SLC25A48: variants seen among roughly 807,000 people sequenced by gnomAD.
SLC25A48 encodes the protein solute carrier family 25 member 48, also known as CTC-321K16.1.
A neutral mutation model predicts 32.2 loss-of-function variants in SLC25A48; 29 were observed. The ratio of observed to expected loss-of-function variants is 0.90; its 90% CI spans 0.67 to 1.23. The LOEUF is 1.23. Among genes scored for constraint, SLC25A48 ranks in the 50% most tolerant of loss-of-function variants. SLC25A48 has a pLI of 0.00. For missense variants in SLC25A48, 399 were observed against 422.7 expected (o/e 0.94, Z 0.49); for synonymous variants, 164 against 172.3 (o/e 0.95, Z 0.38).
At chr5:135,697,548 T>C in intron 3 of SLC25A48, among the ~76,000 whole-genome samples, 1 of 152,230 alleles carries the variant, frequency 6.6e-6, no homozygotes, top group Non-Finnish European at 1.5e-5. Flanking sequence ...AAACCTCCTT[T>C]GCCAGAGACT....
chr5:135,680,148 G>T (rs1247258137), intron 3 of SLC25A48, among the ~76,000 whole-genome samples: 1 of 152,116 alleles, frequency 6.6e-6, no homozygotes, highest in East Asian at 1.9e-4. Flanking sequence ...TTCTTTCTTA[G>T]ATGGTCCATT....
intron 7 of SLC25A48, among the ~76,000 whole-genome samples, chr5:135,882,286 C>T (rs1191454973): frequency 6.6e-6 from 1 of 152,206 alleles, no homozygotes; most frequent in African/African-American, 2.4e-5. Flanking sequence ...CTGCTCTAAC[C>T]CCCAAATACC....
chr5:135,695,003 A>G (rs1754233335), intron 3 of SLC25A48, among the ~76,000 whole-genome samples: 1 of 152,078 alleles, frequency 6.6e-6, no homozygotes, highest in African/African-American at 2.4e-5. Context: ...GCTTGGGCCC[A>G]TCACCCACCT....
chr5:135,842,294 C>A (rs1431762298), intron 1 of SLC25A48, 122 bp from the exon 2 acceptor site: 1 of 980,024 alleles, frequency 1.0e-6, no homozygotes, highest in Non-Finnish European at 1.6e-6. Flanking sequence ...GGAGCCCACC[C>A]ACTCCCCCTA....
chr5:135,789,262 GGCAGGGGGT>G (rs1295399918), intron 3 of SLC25A48, among the ~76,000 whole-genome samples: 1 of 41,366 alleles, frequency 2.4e-5, no homozygotes, highest in East Asian at 7.6e-4. Context: ...CTTTCCATGT[GGCAGGGGGT>G]GTACACCCCC....
At position 135,789,206 on chromosome 5, in the gene SLC25A48, G is replaced by GGTGAGTGTACACCCCCC. The variant is rs1580881634; in HGVS notation, c.-520-23317_-520-23316insGTGAGTGTACACCCCCC. Among the ~76,000 whole-genome samples, 1,146 of 138,354 alleles carry GGTGAGTGTACACCCCCC rather than the reference G, an allele frequency of 8.3e-3. 28 individuals are homozygous for GGTGAGTGTACACCCCCC. Among genetic ancestry groups the GGTGAGTGTACACCCCCC allele is most frequent in the African/African-American group, 0.029 (1,075 of 36,676 alleles). 90.8% of individuals were successfully genotyped at this position (138,354 alleles called of 152,430 possible). On this transcript the variant is annotated intron_variant, in intron 3 of 10. Transcript: ENST00000646290. ...TTGCGGTGGGTGTACACCCTCCCCCGCCACGATATGGTTTGTAATATTTAA... is the reference window on the plus strand; with the variant it reads ...TTGCGGTGGGTGTACACCCTCCCCCGGTGAGTGTACACCCCCCCCACGATATGGTTTGTAATATTTAA...
At position 135,874,137 on chromosome 5, in the gene SLC25A48, C is replaced by A; in HGVS notation, c.796C>A (p.Gln266Lys). The A allele has an allele frequency of 6.8e-7, 1 of 1,474,344 alleles. No individual in the cohort carries two copies. Among genetic ancestry groups the A allele is most frequent in the Non-Finnish European group, 8.9e-7 (1 of 1,122,120 alleles). The allele number at this position is 1,474,344 out of a possible 1,614,324, so 91.3% of individuals were successfully genotyped here. ...GVLDCISQSY[Q>K]KEGLKVFFRG... Reference sequence around the variant, plus strand: ...CCTGGACTGTATCTCCCAGAGTTACCAGAAGGAAGGTCTTAAAGTAAGCCC... The same window carrying A: ...CCTGGACTGTATCTCCCAGAGTTACAAGAAGGAAGGTCTTAAAGTAAGCCC... The change falls in exon 6 of 8, where the codon CAG (glutamine) becomes AAG (lysine). Residue 266 changes from glutamine (Q) to lysine (K), a missense_variant. Coordinates refer to ENST00000681962, the MANE Select transcript of SLC25A48 (RefSeq NM_001349336.2).
At chr5:135,833,885 T>C (rs890601282), upstream of SLC25A48, among the ~76,000 whole-genome samples, 3 of 152,206 alleles carry the variant, frequency 2.0e-5, no homozygotes, top group African/African-American at 7.2e-5. Context: ...GACATGAATA[T>C]GCCCAGTGGG....
intron 3 of SLC25A48, among the ~76,000 whole-genome samples, chr5:135,759,946 C>T (rs569256939): frequency 6.6e-6 from 1 of 151,678 alleles, no homozygotes; most frequent in East Asian, 2.0e-4. Flanking sequence ...TCTCCTGCCT[C>T]AGTCTCCTGA....
At chr5:135,728,875 C>CACACACACACACACAT (rs1755158312) in intron 3 of SLC25A48, among the ~76,000 whole-genome samples, 2 of 150,582 alleles carry the variant, frequency 1.3e-5, no homozygotes, top group African/African-American at 4.9e-5. Context: ...CACACACACA[C>CACACACACACACACAT]ACACACACAT....
intron 4 of SLC25A48, among the ~76,000 whole-genome samples, chr5:135,869,706 G>A (rs1380008116): frequency 6.6e-6 from 1 of 151,908 alleles, no homozygotes; most frequent in Non-Finnish European, 1.5e-5. Flanking sequence ...GTAGCACCAT[G>A]GGTCTGGAAG....
intron 7 of SLC25A48, among the ~76,000 whole-genome samples, chr5:135,887,687 C>A (rs1181115148): frequency 6.6e-6 from 1 of 152,176 alleles, no homozygotes; most frequent in East Asian, 1.9e-4. Context: ...TCTCCCTTGG[C>A]GTTGCCCTTT....
chr5:135,843,365 C>T (rs962806741), intron 2 of SLC25A48, among the ~76,000 whole-genome samples: 5 of 152,100 alleles, frequency 3.3e-5, no homozygotes, highest in Admixed American at 1.3e-4. Flanking sequence ...ACCTCAGAGC[C>T]GGGCATTGTA....
chr5:135,871,060 G>GACACACACACAC (rs10569008), intron 4 of SLC25A48, among the ~76,000 whole-genome samples: 2 of 137,610 alleles, frequency 1.5e-5, no homozygotes, highest in South Asian at 2.6e-4. Flanking sequence ...TGTGTACACA[G>GACACACACACAC]ACACACACAC....
At chr5:135,832,552 G>A (rs1039566426), upstream of SLC25A48, among the ~76,000 whole-genome samples, 4 of 152,100 alleles carry the variant, frequency 2.6e-5, no homozygotes, top group Non-Finnish European at 5.9e-5. Flanking sequence ...AGTTTGGAGA[G>A]CCTTCCCTGA....
intron 4 of SLC25A48, among the ~76,000 whole-genome samples, chr5:135,816,616 C>T (rs1004258188): frequency 2.6e-5 from 4 of 152,116 alleles, no homozygotes; most frequent in Non-Finnish European, 5.9e-5. Context: ...TAGTTTCTGG[C>T]ACAGAGTAAC....
chr5:135,860,124 CA>C (rs1457997571), intron 4 of SLC25A48, among the ~76,000 whole-genome samples: 1 of 152,132 alleles, frequency 6.6e-6, no homozygotes, highest in Non-Finnish European at 1.5e-5. Context: ...AAGAAATAAT[CA>C]AGGCAGCTTG....
intron 3 of SLC25A48, among the ~76,000 whole-genome samples, chr5:135,788,951 C>T (rs1756935202): frequency 6.7e-6 from 1 of 150,374 alleles, no homozygotes; most frequent in Admixed American, 6.6e-5. Context: ...GGTATTACTT[C>T]CCATGTGTGG....
At position 135,762,012 on chromosome 5, in the gene SLC25A48, C is replaced by T. The variant is rs78409178; in HGVS notation, c.-520-50511C>T. 0.021 allele frequency among the ~76,000 whole-genome samples: 3,141 copies of T among 152,234 alleles called. 183 individuals carry two copies. In the East Asian group the frequency reaches 0.24, roughly 12 times the overall value. On this transcript the variant is annotated intron_variant, in intron 3 of 10. Transcript: ENST00000646290. ...CCTGATATGAAACCCATCTGTCTGC[C>T]GAAGGAACGCATTGGAGACTGTCTT...
Sources: gnomAD v4.1 joint callset for allele counts (sites outside exome capture counted in the v4.1 genomes callset) on GRCh38, gnomAD v4.1.1 for gene constraint, MANE v1.5 for transcripts, NCBI Gene and HGNC (gene_info 2026-07-23, HGNC 2026-07-21) for gene names.